The following CA7 variants were observed in gnomAD, a reference collection of about 807,000 sequenced individuals.
The protein encoded by CA7 is carbonic anhydrase 7.
CA7 carries 13 observed loss-of-function variants against 31.4 expected under a neutral mutation model. The observed-to-expected ratio is 0.41, with a 90% confidence interval of 0.27 to 0.66. The LOEUF (loss-of-function observed/expected upper bound fraction) is 0.66, where lower values mean the gene tolerates loss of function less well. Among genes scored for constraint, CA7 ranks in the 30% least tolerant of loss-of-function variants. The probability of loss-of-function intolerance (pLI) is 0.28; values close to 1 mark genes in which losing one functional copy is unlikely to be tolerated. For synonymous variants in CA7, 128 were observed against 133.2 expected, an observed-to-expected ratio of 0.96 and a Z score of 0.27; for missense variants, 215 against 351.0, an observed-to-expected ratio of 0.61 and a Z score of 3.10.
At chr16:66,846,482 A>G (rs1236486260) in intron 1 of CA7, among the ~76,000 whole-genome samples, 1 of 152,192 alleles carries the variant, frequency 6.6e-6, no homozygotes, top group African/African-American at 2.4e-5. Context: ...ATTAGTACAT[A>G]TGCATGCACA....
At position 66,853,388 on chromosome 16, in the gene CA7, C is replaced by G; in HGVS notation, c.685C>G (p.Arg229Gly). Residue 229 changes from arginine (R) to glycine (G), a missense_variant, in exon 7 of 7, where the codon CGG (arginine) becomes GGG (glycine). By Grantham distance (125) the Arg-to-Gly change is moderately radical (BLOSUM62 -2). Coordinates refer to ENST00000338437, the MANE Select transcript of CA7 (RefSeq NM_005182.3). This position sits in a 1 kb window ranked among gnomAD's most constrained non-coding sequence, Gnocchi z 4.5. ...CISERQMGKF[R>G]SLLFTSEDDE... is the part of the protein sequence containing the mutation. ...CTGCTTCCTCAAGATGGGGAAGTTC[C>G]GGAGCCTGCTTTTTACCTCGGAGGA... 1 of 1,614,104 alleles carries G rather than the reference C, an allele frequency of 6.2e-7. No individual in the cohort carries two copies. Among genetic ancestry groups the G allele is most frequent in the Non-Finnish European group, 8.5e-7 (1 of 1,180,008 alleles).
At chr16:66,850,122 C>CAAA (rs4000640) in intron 2 of CA7, among the ~76,000 whole-genome samples, 5 of 82,686 alleles carry the variant, frequency 6.0e-5, no homozygotes, top group African/African-American at 2.4e-4. Flanking sequence ...GACTCCATCT[C>CAAA]AAAAAAAAAA....
rs569407352 is a variant in CA7 at position 66,848,577 on chromosome 16, G to A, written c.238+1350G>A. Among the ~76,000 whole-genome samples the A allele has an allele frequency of 7.0e-4, 107 of 152,054 alleles. 1 individual carries two copies. The highest frequency in any genetic ancestry group is 2.4e-3 in the African/African-American group (101 of 41,486). On this transcript the variant is annotated intron_variant, in intron 2 of 6. Transcript: ENST00000338437. ...ACCCAGAATGCCCAGGCCGGAGGGC[G>A]CAGGAAGCCAGTGAAAAGAGGAATG...
Position 66,853,237 on chromosome 16 carries a change from G to T in CA7, c.673-139G>T. The T allele has an allele frequency of 9.8e-7, 1 of 1,025,382 alleles. No homozygotes were observed. The allele number at this position is 1,025,382 out of a possible 1,614,324, so 63.5% of individuals were successfully genotyped here. On this transcript the variant is annotated intron_variant, in intron 6 of 6. Coordinates refer to ENST00000338437, the MANE Select transcript of CA7 (RefSeq NM_005182.3). This position sits in a 1 kb window ranked among gnomAD's most constrained non-coding sequence, Gnocchi z 4.5. ...GGTCCTGCAGAGAAAAATGAGTGGG[G>T]AAGAGTAGGGACAGACCCTAAGGGA...
At chr16:66,844,716 C>T (rs1204605741) in intron 1 of CA7, among the ~76,000 whole-genome samples, 189 bp downstream of exon 1, 2 of 152,254 alleles carry the variant, frequency 1.3e-5, no homozygotes, top group African/African-American at 4.8e-5. Flanking sequence ...ACGCAAAGTC[C>T]GCGCTGCGCC....
chr16:66,848,968 G>T (rs1960982914), intron 2 of CA7, among the ~76,000 whole-genome samples: 1 of 152,136 alleles, frequency 6.6e-6, no homozygotes, highest in East Asian at 1.9e-4. Flanking sequence ...TTGCCTCTTT[G>T]ATAAGACCGG....
At chr16:66,850,110 G>A (rs1408702526) in intron 2 of CA7, among the ~76,000 whole-genome samples, 14 of 133,940 alleles carry the variant, frequency 1.0e-4, no homozygotes, top group Admixed American at 1.0e-3. Context: ...GTGACAGAGC[G>A]AGACTCCATC....
chr16:66,851,819 G>A lies in CA7; in HGVS notation c.516+93G>A. The A allele has an allele frequency of 2.6e-6, 3 of 1,135,358 alleles. No individual in the cohort carries two copies. In the South Asian group the frequency reaches 3.9e-5, roughly 15 times the overall value. The allele number at this position is 1,135,358 out of a possible 1,614,324, so 70.3% of individuals were successfully genotyped here. ...GCCCTTCCAGTCCTTCATTCTGGGAGTAAACCCTTGCTGAGACCAAGGAGG... is the reference window on the plus strand; with the variant it reads ...GCCCTTCCAGTCCTTCATTCTGGGAATAAACCCTTGCTGAGACCAAGGAGG... On this transcript the variant is annotated intron_variant, in intron 5 of 6. Coordinates refer to ENST00000338437, the MANE Select transcript of CA7 (RefSeq NM_005182.3).
At chr16:66,845,455 G>A (rs1374204639) in intron 1 of CA7, among the ~76,000 whole-genome samples, 1 of 152,152 alleles carries the variant, frequency 6.6e-6, no homozygotes, top group African/African-American at 2.4e-5. Context: ...GGTTGGGTGG[G>A]GGACCACAGT....
chr16:66,852,238 G>A (rs901622642), intron 5 of CA7, among the ~76,000 whole-genome samples: 10 of 152,050 alleles, frequency 6.6e-5, no homozygotes, highest in Non-Finnish European at 1.0e-4. Flanking sequence ...CGAGGCAGGC[G>A]GATCACTTGA....
rs1961059188 is a variant in CA7 at position 66,851,731 on chromosome 16, A to C, written c.516+5A>C. ...CTCTACATGGTCCGGTTCAAGGTAA[A>C]GTCCCTGCCCCTGACCCAAGCAGCC... On this transcript the variant is annotated splice_donor_5th_base_variant and intron_variant, in intron 5 of 6. Transcript: ENST00000338437. 3 of 1,613,140 alleles carry C rather than the reference A, an allele frequency of 1.9e-6. No individual in the cohort carries two copies. The highest frequency in any genetic ancestry group is 1.7e-5 in the Admixed American group (1 of 59,876).
chr16:66,853,364 T>C lies in CA7; in HGVS notation c.673-12T>C, dbSNP rs1278902144. The C allele has an allele frequency of 5.8e-5, 94 of 1,613,974 alleles. No homozygotes were observed. The highest frequency in any genetic ancestry group is 7.8e-5 in the Non-Finnish European group (92 of 1,179,988). ...CCCAATCTGCCCTGAGCATTCCTTC[T>C]GCTTCCTCAAGATGGGGAAGTTCCG... On this transcript the variant is annotated splice_polypyrimidine_tract_variant and intron_variant, in intron 6 of 6. Coordinates refer to ENST00000338437, the MANE Select transcript of CA7 (RefSeq NM_005182.3). The surrounding 1 kb of genome is among the most constrained non-coding windows in gnomAD (Gnocchi z 4.5).
intron 4 of CA7, 46 bp downstream of exon 4, chr16:66,851,604 C>T (rs761961593): frequency 9.3e-6 from 15 of 1,612,076 alleles, no homozygotes; most frequent in Non-Finnish European, 1.3e-5. Flanking sequence ...GGAGGCCTGG[C>T]ACTGCCCCTA....
chr16:66,849,284 G>A (rs193047576), intron 2 of CA7, among the ~76,000 whole-genome samples: 6 of 152,292 alleles, frequency 3.9e-5, no homozygotes, highest in East Asian at 1.9e-4. Context: ...TGGGGGAGGC[G>A]GCACTGGAGG....
rs569066484 is a variant in CA7 at position 66,844,484 on chromosome 16, C to A, written c.-4C>A. On this transcript the variant is annotated 5_prime_UTR_variant, in exon 1 of 7. Transcript: ENST00000338437. ...AGGTGCACGGCTGCGGGGACGGCAG[C>A]GGCATGACCGGCCACCACGGCTGGG... 27 of 1,541,122 alleles carry A rather than the reference C, an allele frequency of 1.8e-5. No individual in the cohort carries two copies. The South Asian group carries it at 3.1e-4, about 18-fold the overall frequency.
intron 1 of CA7, chr16:66,844,894 G>A: frequency 2.8e-6 from 3 of 1,058,440 alleles, no homozygotes; most frequent in African/African-American, 1.7e-5. Flanking sequence ...GGCGGGCGCC[G>A]CGGAGCGCTG....
In CA7 at chr16:66,844,420, G is replaced by A. The variant is rs1356108779; in HGVS notation, c.-68G>A. On this transcript the variant is annotated 5_prime_UTR_variant, in exon 1 of 7. Coordinates refer to ENST00000338437, the MANE Select transcript of CA7 (RefSeq NM_005182.3). Reference sequence around the variant, plus strand: ...CTGCTCCGCGGTAGCGAGCGGGGCCGGAGCCGCAGCCCGAACGAGCGGACC... The same window carrying A: ...CTGCTCCGCGGTAGCGAGCGGGGCCAGAGCCGCAGCCCGAACGAGCGGACC... 26 of 1,377,252 alleles carry A rather than the reference G, an allele frequency of 1.9e-5. No individual in the cohort carries two copies. The Admixed American group carries it at 2.7e-4, about 14-fold the overall frequency. 85.3% of individuals were successfully genotyped at this position (1,377,252 alleles called of 1,614,324 possible).
chr16:66,848,608 G>A (rs1960975646), intron 2 of CA7, among the ~76,000 whole-genome samples: 1 of 152,116 alleles, frequency 6.6e-6, no homozygotes, highest in Admixed American at 6.5e-5. Context: ...GAATGAGATG[G>A]TGGGGCTCTG....
chr16:66,846,729 G>T (rs957978645), intron 1 of CA7, among the ~76,000 whole-genome samples: 20 of 152,186 alleles, frequency 1.3e-4, no homozygotes, highest in African/African-American at 4.8e-4. Context: ...CCCTGTTGGG[G>T]AGACTTATTA....
Sources: allele counts gnomAD v4.1 joint callset (sites outside exome capture counted in the v4.1 genomes callset), GRCh38; gene constraint gnomAD v4.1.1; non-coding constraint Gnocchi (gnomAD v3.1); transcripts MANE v1.5; gene names NCBI Gene and HGNC (gene_info 2026-07-23, HGNC 2026-07-21).